Variants in ENAH observed in about 807,000 individuals in gnomAD.
The protein encoded by ENAH is protein enabled homolog.
Under a neutral mutation model 78.7 loss-of-function variants are expected in ENAH, and 23 were observed. The observed-to-expected ratio is 0.29, with a 90% CI of 0.21 to 0.41. ENAH has a LOEUF of 0.41. ENAH is among the 10% of genes least tolerant of loss of function. The pLI, the probability that ENAH is intolerant of heterozygous loss-of-function variation, is 1.00. For missense variants in ENAH, 544 were observed against 691.0 expected (o/e 0.79, Z 2.39); for synonymous variants, 226 against 241.0 (o/e 0.94, Z 0.58).
intron 3 of ENAH, among the ~76,000 whole-genome samples, chr1:225,546,890 T>C (rs2096616666): frequency 6.6e-6 from 1 of 152,224 alleles, no homozygotes; most frequent in Non-Finnish European, 1.5e-5. Context: ...TTCTAAAACC[T>C]GGACTGAGGC....
chr1:225,581,290 T>A lies in ENAH; in HGVS notation c.6-13876A>T, dbSNP rs75759862. The A allele has an allele frequency of 8.3e-3, 8,178 of 984,688 alleles. 57 individuals carry two copies. Among genetic ancestry groups the A allele is most frequent in the Middle Eastern group, 0.012 (22 of 1,912 alleles). 61.0% of individuals were successfully genotyped at this position (984,688 alleles called of 1,614,324 possible). A position where few individuals can be genotyped will look rare whatever the true frequency, so the allele number is the denominator to read the frequency against. ...TCTTCTTTTCCTCACATTATTTTCA[T>A]GAAGTTATATGGCAAAGCCTCTCAA... On this transcript the variant is annotated intron_variant, in intron 1 of 13. Transcript: ENST00000366843.
At chr1:225,566,293 C>G (rs970333751) in intron 2 of ENAH, among the ~76,000 whole-genome samples, 7 of 151,872 alleles carry the variant, frequency 4.6e-5, no homozygotes, top group Admixed American at 3.3e-4. Context: ...TGCCAAAATA[C>G]CAGTTTCACA....
chr1:225,593,194 A>G (rs1213226568), intron 1 of ENAH, among the ~76,000 whole-genome samples: 1 of 152,202 alleles, frequency 6.6e-6, no homozygotes, highest in Non-Finnish European at 1.5e-5. Context: ...GCCACCCTGA[A>G]GAGCAAACAG....
rs2096203612 is a variant in ENAH at position 225,486,946 on chromosome 1, T to TCTCTC, written c.*10828_*10829insGAGAG. The TCTCTC allele has an allele frequency of 6.6e-6, 1 of 152,534 alleles. No homozygotes were observed. The highest frequency in any genetic ancestry group is 2.1e-4 in the South Asian group (1 of 4,820). 9.4% of individuals were successfully genotyped at this position (152,534 alleles called of 1,614,324 possible). Reference sequence around the variant, plus strand: ...GTAGGAAAGAAAGCTGAGGGAGAGATTGATCCGATTTCAACGATGTGGCCA... The same window carrying TCTCTC: ...GTAGGAAAGAAAGCTGAGGGAGAGATCTCTCTGATCCGATTTCAACGATGTGGCCA... On this transcript the variant is annotated 3_prime_UTR_variant, in exon 14 of 14. Coordinates refer to ENST00000366843, the MANE Select transcript of ENAH (RefSeq NM_018212.6).
intron 3 of ENAH, among the ~76,000 whole-genome samples, chr1:225,533,491 A>G (rs1363602108): frequency 6.6e-6 from 1 of 152,150 alleles, no homozygotes; most frequent in Non-Finnish European, 1.5e-5. Flanking sequence ...AAGAGGGAAG[A>G]ACAACCAAGG....
intron 11 of ENAH, among the ~76,000 whole-genome samples, chr1:225,503,670 A>AAC (rs1329278238): frequency 3.3e-5 from 5 of 150,156 alleles, no homozygotes; most frequent in Non-Finnish European, 7.4e-5. Flanking sequence ...AAAAAAAAAA[A>AAC]AAAAAAAACA....
At chr1:225,647,081 C>G (rs1029878870) in intron 1 of ENAH, among the ~76,000 whole-genome samples, 3 of 152,082 alleles carry the variant, frequency 2.0e-5, no homozygotes, top group African/African-American at 7.2e-5. Flanking sequence ...AAAAAATTAG[C>G]TGGGCGTGGT....
intron 1 of ENAH, among the ~76,000 whole-genome samples, chr1:225,582,763 G>A (rs768183832): frequency 1.3e-5 from 2 of 152,192 alleles, no homozygotes; most frequent in Admixed American, 1.3e-4. Context: ...GACAGAATTT[G>A]CTGTTTTGAG....
At position 225,529,217 on chromosome 1, in the gene ENAH, T is replaced by C. The variant is rs142350379; in HGVS notation, c.434+1337A>G. 1.4e-4 allele frequency among the ~76,000 whole-genome samples: 21 copies of C among 152,328 alleles called. No homozygotes were observed. The East Asian group carries it at 3.9e-3, about 28-fold the overall frequency. On this transcript the variant is annotated intron_variant, in intron 4 of 13. Coordinates refer to ENST00000366843, the MANE Select transcript of ENAH (RefSeq NM_018212.6). ...AGAGTAAAGGTTAAATTCTTCACAG[T>C]AGCCTGCAAGGTCCTGCATGATCTG...
intron 12 of ENAH, among the ~76,000 whole-genome samples, chr1:225,500,587 C>G (rs2096276312): frequency 6.6e-6 from 1 of 152,126 alleles, no homozygotes; most frequent in South Asian, 2.1e-4. Context: ...TTCTGTTTTT[C>G]CAAACTGCTT....
At chr1:225,529,320 T>C (rs2096526355) in intron 4 of ENAH, among the ~76,000 whole-genome samples, 1 of 152,160 alleles carries the variant, frequency 6.6e-6, no homozygotes, top group South Asian at 2.1e-4. Context: ...AGCATCATCC[T>C]TCCTTAAGGC....
chr1:225,494,211 G>C lies in ENAH; in HGVS notation c.*3564C>G, dbSNP rs2096238676. 6.6e-6 allele frequency: 1 copy of C among 151,552 alleles called. No homozygotes were observed. The highest frequency in any genetic ancestry group is 1.5e-5 in the Non-Finnish European group (1 of 67,864). 9.4% of individuals were successfully genotyped at this position (151,552 alleles called of 1,614,324 possible). ...AGGGGAAAATTTGGGTCTGGTCAAA[G>C]AAAAAATACAAGGATTGTATTTTTG... On this transcript the variant is annotated 3_prime_UTR_variant, in exon 14 of 14. Transcript: ENST00000366843.
Position 225,520,146 on chromosome 1 carries a change from T to C in ENAH, c.435-581A>G, listed in dbSNP as rs550762738. Among the ~76,000 whole-genome samples the C allele has an allele frequency of 4.0e-4, 61 of 152,080 alleles. 1 individual carries two copies. The South Asian group carries it at 7.3e-3, about 18-fold the overall frequency. ...CCATCTCTACCAAAAATATAAAAAA[T>C]TAGCCGGGCATGGTAGCGTGCGCCT... On this transcript the variant is annotated intron_variant, in intron 4 of 13. Coordinates refer to ENST00000366843, the MANE Select transcript of ENAH (RefSeq NM_018212.6).
chr1:225,527,125 C>A (rs2096511420), intron 4 of ENAH, among the ~76,000 whole-genome samples: 1 of 152,176 alleles, frequency 6.6e-6, no homozygotes, highest in Non-Finnish European at 1.5e-5. Context: ...CCTAATCCCT[C>A]TTTTCATTTG....
At chr1:225,509,270 G>A (rs188159214) in intron 10 of ENAH, among the ~76,000 whole-genome samples, 89 of 152,252 alleles carry the variant, frequency 5.8e-4, no homozygotes, top group Admixed American at 4.9e-3. Flanking sequence ...GAGGGACACC[G>A]GGACAGGGAA....
intron 8 of ENAH, 58 bp downstream of exon 8, chr1:225,512,813 G>C: frequency 6.2e-7 from 1 of 1,602,278 alleles, no homozygotes; most frequent in South Asian, 1.1e-5. Context: ...AGTTGTATTT[G>C]GAATACAATT....
At chr1:225,591,035 T>C (rs1378135349) in intron 1 of ENAH, among the ~76,000 whole-genome samples, 1 of 152,254 alleles carries the variant, frequency 6.6e-6, no homozygotes, top group Non-Finnish European at 1.5e-5. Flanking sequence ...AAAGACAGCT[T>C]ATTAATGCTA....
intron 3 of ENAH, among the ~76,000 whole-genome samples, chr1:225,546,217 A>G (rs2096613237): frequency 6.6e-6 from 1 of 152,164 alleles, no homozygotes; most frequent in Admixed American, 6.5e-5. Flanking sequence ...GCCTGGCCCT[A>G]ATGAGAATCA....
At chr1:225,590,962 T>C (rs16845078) in intron 1 of ENAH, among the ~76,000 whole-genome samples, 21,755 of 152,228 alleles carry the variant, frequency 0.14, 2,963 homozygotes, top group African/African-American at 0.35. Flanking sequence ...TCAATTAGAA[T>C]CTTTTATAAA....
Sources: gnomAD v4.1 joint callset for allele counts (sites outside exome capture counted in the v4.1 genomes callset) on GRCh38, gnomAD v4.1.1 for gene constraint, MANE v1.5 for transcripts, NCBI Gene and HGNC (gene_info 2026-07-23, HGNC 2026-07-21) for gene names.